The following ASIC2 variants were observed in gnomAD, a reference collection of about 807,000 sequenced individuals.
ASIC2 encodes acid sensing ion channel subunit 2.
ASIC2 carries 25 observed loss-of-function variants against 57.3 expected under a neutral mutation model. That is an observed-to-expected ratio of 0.44 (90% CI 0.32 to 0.61). The LOEUF is 0.61. Among genes scored for constraint, ASIC2 ranks in the 20% least tolerant of loss-of-function variants. The pLI, the probability that ASIC2 is intolerant of heterozygous loss-of-function variation, is 0.06. For synonymous variants in ASIC2, 319 were observed against 307.5 expected (o/e 1.04, Z -0.39); for missense variants, 641 against 738.1 (o/e 0.87, Z 1.52).
intron 1 of ASIC2, among the ~76,000 whole-genome samples, chr17:33,465,169 G>A (rs1247627832): frequency 6.6e-6 from 1 of 152,080 alleles, no homozygotes; most frequent in Non-Finnish European, 1.5e-5. Context: ...AGCTTCCCCT[G>A]GCTGTTTTTG....
intron 1 of ASIC2, among the ~76,000 whole-genome samples, chr17:33,796,031 C>T (rs73986715): frequency 4.7e-4 from 71 of 152,354 alleles, no homozygotes; most frequent in African/African-American, 1.6e-3. Flanking sequence ...CTGCATATGC[C>T]TTTACTGTAA....
At chr17:33,494,549 G>T (rs895611466) in intron 1 of ASIC2, among the ~76,000 whole-genome samples, 2 of 152,156 alleles carry the variant, frequency 1.3e-5, no homozygotes. Context: ...GGATGGAGTC[G>T]CAGGAAGTGC....
intron 1 of ASIC2, among the ~76,000 whole-genome samples, chr17:33,366,445 C>T (rs893304193): frequency 6.6e-6 from 1 of 152,190 alleles, no homozygotes; most frequent in Non-Finnish European, 1.5e-5. Flanking sequence ...CCTGCACATG[C>T]ACTGCCTTCC....
At position 33,673,051 on chromosome 17, in the gene ASIC2, A is replaced by ATCT. The variant is rs1907686363; in HGVS notation, c.555+482926_555+482927insAGA. Among the ~76,000 whole-genome samples the ATCT allele has an allele frequency of 2.6e-5, 4 of 152,254 alleles. No homozygotes were observed. The South Asian group carries it at 8.3e-4, about 32-fold the overall frequency. On this transcript the variant is annotated intron_variant, in intron 1 of 9. Transcript: ENST00000359872. ...TGGTGTAAAGCTTGGGATGGGGGAC[A>ATCT]TAAAGAAGAGAAGTTACTCCGTTTG...
At chr17:34,139,522 G>A (rs114263361) in intron 1 of ASIC2, among the ~76,000 whole-genome samples, 4,650 of 152,234 alleles carry the variant, frequency 0.031, 222 homozygotes, top group African/African-American at 0.11. Context: ...CGTGGTATAC[G>A]ATGAATGCGT....
chr17:33,478,373 C>T (rs1299669454), intron 1 of ASIC2, among the ~76,000 whole-genome samples: 1 of 152,234 alleles, frequency 6.6e-6, no homozygotes, highest in Non-Finnish European at 1.5e-5. Flanking sequence ...TAACATCAAA[C>T]ACGAACTACC....
chr17:33,663,871 A>G (rs143965521), intron 1 of ASIC2, among the ~76,000 whole-genome samples: 28 of 152,246 alleles, frequency 1.8e-4, no homozygotes, highest in African/African-American at 6.5e-4. Context: ...GCTGAATCCC[A>G]GTGTGCTCAG....
chr17:34,016,328 G>T (rs1217183379), intron 1 of ASIC2, among the ~76,000 whole-genome samples: 1 of 150,598 alleles, frequency 6.6e-6, no homozygotes, highest in African/African-American at 2.5e-5. Context: ...GGAGGCTGAG[G>T]CAGGAGAACG....
chr17:33,186,068 G>T (rs537125996), intron 1 of ASIC2, among the ~76,000 whole-genome samples: 5 of 152,256 alleles, frequency 3.3e-5, no homozygotes, highest in Non-Finnish European at 5.9e-5. Context: ...TTTGCCGTTT[G>T]ATATTTGGAA....
Position 33,688,069 on chromosome 17 carries a change from A to G in ASIC2, c.555+467909T>C, listed in dbSNP as rs10438804. On this transcript the variant is annotated intron_variant, in intron 1 of 9. Transcript: ENST00000359872. Reference sequence around the variant, plus strand: ...TTACAGGCTACTCAGTTCCCCACAGATGCAGGGAGAGGGGAATGTGTGTGT... The same window carrying G: ...TTACAGGCTACTCAGTTCCCCACAGGTGCAGGGAGAGGGGAATGTGTGTGT... Among the ~76,000 whole-genome samples the G allele has an allele frequency of 1.9e-3, 282 of 152,270 alleles. 1 individual carries two copies. The highest frequency in any genetic ancestry group is 6.4e-3 in the African/African-American group (264 of 41,548).
At chr17:34,039,820 G>C in intron 1 of ASIC2, 1 of 1,608,928 alleles carries the variant, frequency 6.2e-7, no homozygotes, top group Non-Finnish European at 8.5e-7. Context: ...AGTAAACCTG[G>C]CCTCCAATAA....
intron 1 of ASIC2, among the ~76,000 whole-genome samples, chr17:33,121,936 A>T (rs1040355099): frequency 6.6e-6 from 1 of 152,212 alleles, no homozygotes; most frequent in Admixed American, 6.5e-5. Context: ...CTGCCAACAC[A>T]TCACCAGACC....
intron 1 of ASIC2, among the ~76,000 whole-genome samples, chr17:33,180,955 C>T (rs1182265357): frequency 6.6e-6 from 1 of 152,168 alleles, no homozygotes; most frequent in Admixed American, 6.5e-5. Flanking sequence ...CTCTGCTTCA[C>T]ATTTTGATCA....
intron 1 of ASIC2, among the ~76,000 whole-genome samples, chr17:33,877,725 T>C (rs934939443): frequency 6.6e-6 from 1 of 152,248 alleles, no homozygotes; most frequent in Non-Finnish European, 1.5e-5. Context: ...CTCTGCAGAC[T>C]TAAATGTCCC....
intron 1 of ASIC2, among the ~76,000 whole-genome samples, chr17:33,420,234 C>T (rs1323165659): frequency 5.9e-5 from 9 of 152,204 alleles, no homozygotes; most frequent in Non-Finnish European, 1.3e-4. Context: ...TGTTAGCCCA[C>T]TTTGGGGAGG....
intron 1 of ASIC2, among the ~76,000 whole-genome samples, chr17:33,949,040 T>C (rs1434890998): frequency 1.3e-5 from 2 of 152,186 alleles, no homozygotes; most frequent in Non-Finnish European, 2.9e-5. Context: ...AATGGACATC[T>C]ACATTTGAGT....
intron 1 of ASIC2, among the ~76,000 whole-genome samples, chr17:33,256,343 C>G (rs944350831): frequency 7.9e-5 from 12 of 151,944 alleles, no homozygotes; most frequent in African/African-American, 2.9e-4. Flanking sequence ...AGAATATGAG[C>G]CCAGTGTGCA....
intron 1 of ASIC2, among the ~76,000 whole-genome samples, chr17:33,924,010 C>A (rs754139642): frequency 6.6e-6 from 1 of 152,248 alleles, no homozygotes; most frequent in Non-Finnish European, 1.5e-5. Context: ...GCTGTGTGAT[C>A]TTCAGCAGGT....
rs1417440666 is a variant in ASIC2, at chr17:33,950,235, AT to A, written c.555+205742del. On this transcript the variant is annotated intron_variant, in intron 1 of 9. Coordinates refer to the ASIC2 transcript ENST00000359872. ...CTCAGCCCAAGCACCTCTAGAGTTG[AT>A]TACCAGGGAGGGCCTGCCCACTCTC... 4.6e-5 allele frequency among the ~76,000 whole-genome samples: 7 copies of A among 152,262 alleles called. No individual in the cohort carries two copies. In the South Asian group the frequency reaches 1.4e-3, roughly 32 times the overall value.
Sources: allele counts gnomAD v4.1 joint callset (sites outside exome capture counted in the v4.1 genomes callset), GRCh38; gene constraint gnomAD v4.1.1; transcripts MANE v1.5; gene names NCBI Gene and HGNC (gene_info 2026-07-23, HGNC 2026-07-21).